Variants in ARAP1 observed in about 807,000 individuals in gnomAD.
The protein encoded by ARAP1 is ArfGAP with RhoGAP domain, ankyrin repeat and PH domain 1, also known as arf-GAP with Rho-GAP domain, ANK repeat and PH domain-containing protein 1.
ARAP1 carries 76 observed loss-of-function variants against 172.2 expected under a neutral mutation model. The observed-to-expected ratio is 0.44, with a 90% CI of 0.37 to 0.53. ARAP1 has a LOEUF of 0.53. ARAP1 is among the 20% of genes least tolerant of loss of function. ARAP1 has a pLI of 0.00. For missense variants in ARAP1, 1,686 were observed against 1,977.5 expected, an observed-to-expected ratio of 0.85 and a Z score of 2.80; for synonymous variants, 804 against 803.3, an observed-to-expected ratio of 1.00 and a Z score of -0.01.
intron 1 of ARAP1, among the ~76,000 whole-genome samples, chr11:72,749,871 A>G (rs1313219658): frequency 7.2e-6 from 1 of 139,120 alleles, no homozygotes; most frequent in South Asian, 2.4e-4. Flanking sequence ...ACTCCGTCTC[A>G]AAAAAAAAAA....
chr11:72,703,322 T>C, intron 14 of ARAP1: 1 of 361,504 alleles, frequency 2.8e-6, no homozygotes. Flanking sequence ...GCCCGGGGCC[T>C]CACCCCTGCT....
chr11:72,706,018 C>A, intron 12 of ARAP1, 128 bp from the exon 13 acceptor site: 1 of 786,086 alleles, frequency 1.3e-6, no homozygotes, highest in Admixed American at 2.5e-5. Context: ...GGTAGGCCTG[C>A]TGGCAGCTCT....
In ARAP1 at chr11:72,699,229, G is replaced by T; in HGVS notation, c.2439-122C>A. 1.4e-6 allele frequency: 2 copies of T among 1,391,450 alleles called. No individual in the cohort carries two copies. Among genetic ancestry groups the T allele is most frequent in the Non-Finnish European group, 2.0e-6 (2 of 1,005,350 alleles). 86.2% of individuals were successfully genotyped at this position (1,391,450 alleles called of 1,614,324 possible). On this transcript the variant is annotated intron_variant, in intron 17 of 34. Coordinates refer to ENST00000393609, the MANE Select transcript of ARAP1 (RefSeq NM_001040118.3). This position sits in a 1 kb window ranked among gnomAD's most constrained non-coding sequence, Gnocchi z 4.2. The stretch of plus-strand genomic sequence containing the variant: ...TGCCTTGGCGCTTGTCCTTATTCTG[G>T]TCCCCTAAGAGGTGGTGGAAAAGTC...
chr11:72,707,131 C>A (rs1161124467), intron 12 of ARAP1, 44 bp downstream of exon 12: 19 of 1,497,760 alleles, frequency 1.3e-5, no homozygotes, highest in Non-Finnish European at 1.7e-5. Flanking sequence ...AACTGGCCAA[C>A]CCCGCCATGC....
At chr11:72,686,482 G>C (rs567955362) in intron 33 of ARAP1, among the ~76,000 whole-genome samples, 1 of 152,088 alleles carries the variant, frequency 6.6e-6, no homozygotes, top group Non-Finnish European at 1.5e-5. Context: ...CTTAGGAATC[G>C]GGAACTACAA....
Position 72,685,572 on chromosome 11 carries a change from C to T in ARAP1, c.*92G>A, listed in dbSNP as rs187762518. ...GGGGTGCAGTTTCCCATGCACCCCCCGCTGGCTCACATCAGGCCTTGGAGC... is the reference window on the plus strand; with the variant it reads ...GGGGTGCAGTTTCCCATGCACCCCCTGCTGGCTCACATCAGGCCTTGGAGC... On this transcript the variant is annotated 3_prime_UTR_variant, in exon 35 of 35. Transcript: ENST00000393609. The T allele has an allele frequency of 2.2e-4, 346 of 1,560,754 alleles. 2 individuals carry two copies. The South Asian group carries it at 2.8e-3, about 12-fold the overall frequency.
In ARAP1 at chr11:72,727,105, C is replaced by T. The variant is rs377411946; in HGVS notation, c.24G>A (p.Ala8=). MAEAGDA[A]LSVAEWLRAL... ...CCCGCAGCCACTCGGCCACCGATAG[C>T]GCAGCATCCCCAGCCTCTGCCATGG... The change falls in exon 3 of 35, where the codon GCG becomes GCA. Residue 8 remains alanine (A), a synonymous_variant. Coordinates refer to ENST00000393609, the MANE Select transcript of ARAP1 (RefSeq NM_001040118.3). The T allele has an allele frequency of 3.6e-5, 57 of 1,592,092 alleles. No homozygotes were observed. Among genetic ancestry groups the T allele is most frequent in the Non-Finnish European group, 4.5e-5 (53 of 1,165,410 alleles).
At chr11:72,746,124 CCTTG>C (rs1422386141) in intron 1 of ARAP1, among the ~76,000 whole-genome samples, 81 of 152,308 alleles carry the variant, frequency 5.3e-4, no homozygotes, top group African/African-American at 1.9e-3. Context: ...GTGACCCTGA[CCTTG>C]CTCTTTGAAT....
chr11:72,688,737 A>G (rs1323720105), intron 30 of ARAP1, 200 bp from the exon 31 acceptor site: 2 of 557,682 alleles, frequency 3.6e-6, no homozygotes, highest in Non-Finnish European at 6.4e-6. Flanking sequence ...CTAGGCCCCC[A>G]AGGCCTGTCT....
At chr11:72,735,247 G>A (rs1334526490) in intron 1 of ARAP1, among the ~76,000 whole-genome samples, 1 of 152,030 alleles carries the variant, frequency 6.6e-6, no homozygotes, top group African/African-American at 2.4e-5. Context: ...CTCCCAAAGT[G>A]CTGGGATTAC....
chr11:72,690,045 A>G (rs1855873907), intron 30 of ARAP1, among the ~76,000 whole-genome samples: 1 of 152,152 alleles, frequency 6.6e-6, no homozygotes, highest in African/African-American at 2.4e-5. Flanking sequence ...TGGAAAACAC[A>G]AGGTTCTGGG....
intron 3 of ARAP1, among the ~76,000 whole-genome samples, chr11:72,716,489 G>A (rs1041652211): frequency 6.6e-6 from 1 of 152,274 alleles, no homozygotes; most frequent in Non-Finnish European, 1.5e-5. Flanking sequence ...AGCATGGCCT[G>A]TGGAGGAACA....
In ARAP1 at chr11:72,702,744, T is replaced by C. The variant is rs140204843; in HGVS notation, c.2167+161A>G. ...GACACAGAGGAACATGCATACGTAG[T>C]ACAAATACACACTGACATGCAAACC... On this transcript the variant is annotated intron_variant, in intron 15 of 34. Coordinates refer to ENST00000393609, the MANE Select transcript of ARAP1 (RefSeq NM_001040118.3). Among the ~76,000 whole-genome samples, 22 of 152,068 alleles carry C rather than the reference T, an allele frequency of 1.4e-4. No individual in the cohort carries two copies. In the East Asian group the frequency reaches 4.3e-3, roughly 29 times the overall value.
In ARAP1 at chr11:72,748,248, C is replaced by T. The variant is rs565227330; in HGVS notation, c.-128+4080G>A. Among the ~76,000 whole-genome samples the T allele has an allele frequency of 3.9e-5, 6 of 152,188 alleles. No individual in the cohort carries two copies. In the East Asian group the frequency reaches 9.7e-4, roughly 25 times the overall value. ...TTAAATAATGATTTGTTGACTGGGC[C>T]CAGTGGCTCACACCTGTAATCCCAG... is the stretch of plus-strand genomic sequence containing the variant. On this transcript the variant is annotated intron_variant, in intron 1 of 34. Coordinates refer to ENST00000393609, the MANE Select transcript of ARAP1 (RefSeq NM_001040118.3).
rs1037042811 is a variant in ARAP1 at position 72,687,341 on chromosome 11, C to T, written c.4185+98G>A. 20 of 1,447,330 alleles carry T rather than the reference C, an allele frequency of 1.4e-5. No homozygotes were observed. In the African/African-American group the frequency reaches 2.1e-4, roughly 15 times the overall value. 89.7% of individuals were successfully genotyped at this position (1,447,330 alleles called of 1,614,324 possible). A position where few individuals can be genotyped will look rare whatever the true frequency, so the allele number is the denominator to read the frequency against. On this transcript the variant is annotated intron_variant, in intron 33 of 34. Transcript: ENST00000393609. Reference sequence around the variant, plus strand: ...AAAGCAACTCAAAATCTCCTTGAAGCAAGGGGTGGGTTGAATAGCACAGAA... The same window carrying T: ...AAAGCAACTCAAAATCTCCTTGAAGTAAGGGGTGGGTTGAATAGCACAGAA...
chr11:72,693,479 T>A lies in ARAP1; in HGVS notation c.3809-9A>T. ...GTCACCGACACGGCTGGCTGGGGGG[T>A]GGGACTGGAGTGGGCACAGGCTGCA... On this transcript the variant is annotated splice_polypyrimidine_tract_variant and intron_variant, in intron 28 of 34. Coordinates refer to ENST00000393609, the MANE Select transcript of ARAP1 (RefSeq NM_001040118.3). The surrounding 1 kb of genome is among the most constrained non-coding windows in gnomAD (Gnocchi z 4.6). The A allele has an allele frequency of 1.2e-6, 2 of 1,610,648 alleles. No homozygotes were observed. Among genetic ancestry groups the A allele is most frequent in the East Asian group, 2.2e-5 (1 of 44,784 alleles).
intron 11 of ARAP1, 124 bp from the exon 12 acceptor site, chr11:72,707,498 A>G (rs967308035): frequency 1.2e-6 from 1 of 826,122 alleles, no homozygotes; most frequent in South Asian, 1.9e-5. Context: ...AGAGTGAGGC[A>G]TCCCACTCTG....
intron 22 of ARAP1, 34 bp from the exon 23 acceptor site, chr11:72,696,688 C>T: frequency 6.5e-7 from 1 of 1,531,570 alleles, no homozygotes; most frequent in Non-Finnish European, 8.9e-7. Flanking sequence ...TCAGAAACCC[C>T]CTGTAACTAT....
intron 1 of ARAP1, among the ~76,000 whole-genome samples, chr11:72,739,019 A>G (rs1397391422): frequency 3.9e-5 from 6 of 152,144 alleles, no homozygotes; most frequent in Admixed American, 2.0e-4. Context: ...CACTCAGGCA[A>G]GAGTGTTAGA....
Sources: gnomAD v4.1 joint callset for allele counts (sites outside exome capture counted in the v4.1 genomes callset) on GRCh38, gnomAD v4.1.1 for gene constraint, Gnocchi (gnomAD v3.1) non-coding constraint, MANE v1.5 for transcripts, NCBI Gene and HGNC (gene_info 2026-07-23, HGNC 2026-07-21) for gene names.